SHANK2: variants seen among roughly 807,000 people sequenced by gnomAD.
SHANK2 encodes the protein SH3 and multiple ankyrin repeat domains 2, also known as SH3 and multiple ankyrin repeat domains protein 2.
SHANK2 carries 43 observed loss-of-function variants against 133.7 expected under a neutral mutation model. The observed-to-expected ratio is 0.32, with a 90% confidence interval of 0.25 to 0.41. SHANK2 has a LOEUF of 0.41. Among genes scored for constraint, SHANK2 ranks in the 10% least tolerant of loss-of-function variants. SHANK2 has a pLI of 1.00. For missense variants in SHANK2, 1,994 were observed against 2,235.8 expected (o/e 0.89, Z 2.18); for synonymous variants, 1,017 against 952.8 (o/e 1.07, Z -1.24).
In SHANK2 at chr11:70,485,828, AGTCGGCGACGGC is replaced by A; in HGVS notation, c.4453_4464del (p.Ala1485_Asp1488del). ...CGGCTGTCCACCTCCTCGATCCCAG[AGTCGGCGACGGC>A]GTCAAAGCTTTCAGGGGGTGGCAGG... On this transcript the variant is annotated inframe_deletion, in exon 25 of 26. Coordinates refer to ENST00000601538, the MANE Select transcript of SHANK2 (RefSeq NM_012309.5). The surrounding 1 kb of genome is among the most constrained non-coding windows in gnomAD (Gnocchi z 5.8). The A allele has an allele frequency of 6.2e-7, 1 of 1,613,972 alleles. No homozygotes were observed. The highest frequency in any genetic ancestry group is 8.5e-7 in the Non-Finnish European group (1 of 1,180,026).
chr11:71,206,651 C>T (rs1954132323), intron 2 of SHANK2, among the ~76,000 whole-genome samples: 1 of 152,282 alleles, frequency 6.6e-6, no homozygotes, highest in Admixed American at 6.5e-5. Flanking sequence ...ATAAAAACGT[C>T]AAGGCTGGGT....
chr11:71,128,653 C>T (rs1216789021), intron 3 of SHANK2, among the ~76,000 whole-genome samples: 43 of 152,234 alleles, frequency 2.8e-4, no homozygotes, highest in African/African-American at 1.0e-3. Flanking sequence ...TGTCCTAGCA[C>T]AGATGAACCA....
chr11:71,104,770 AT>A (rs1210265796), intron 6 of SHANK2, among the ~76,000 whole-genome samples: 1 of 151,984 alleles, frequency 6.6e-6, no homozygotes, highest in Non-Finnish European at 1.5e-5. Flanking sequence ...TTCTCTCCTG[AT>A]TTGGAAAAAA....
At chr11:70,892,221 C>T (rs781936340) in intron 11 of SHANK2, among the ~76,000 whole-genome samples, 6 of 152,254 alleles carry the variant, frequency 3.9e-5, no homozygotes, top group African/African-American at 7.2e-5. Flanking sequence ...TAAGCATCAT[C>T]TTCCTCCAGC....
At chr11:70,937,608 T>G (rs797038264) in intron 10 of SHANK2, among the ~76,000 whole-genome samples, 54 of 152,188 alleles carry the variant, frequency 3.5e-4, no homozygotes, top group African/African-American at 1.3e-3. Context: ...TTGGATCATG[T>G]GCATTCTGCT....
At chr11:70,539,581 G>A (rs1361874363) in intron 17 of SHANK2, among the ~76,000 whole-genome samples, 1 of 111,442 alleles carries the variant, frequency 9.0e-6, no homozygotes, top group Non-Finnish European at 2.0e-5. Context: ...ATGAGTGGAT[G>A]AGCAATCACA....
At chr11:71,130,274 G>T (rs1469083876) in intron 3 of SHANK2, among the ~76,000 whole-genome samples, 1 of 152,182 alleles carries the variant, frequency 6.6e-6, no homozygotes, top group Non-Finnish European at 1.5e-5. Context: ...TGCCTGTGTT[G>T]GGACACGTCC....
chr11:71,128,553 C>T (rs749674777), intron 3 of SHANK2, among the ~76,000 whole-genome samples: 7 of 152,126 alleles, frequency 4.6e-5, no homozygotes, highest in Admixed American at 2.6e-4. Flanking sequence ...ACACCGATCC[C>T]GGAAAGTTCT....
At chr11:70,601,421 T>C (rs1170494114) in intron 17 of SHANK2, among the ~76,000 whole-genome samples, 2 of 152,166 alleles carry the variant, frequency 1.3e-5, no homozygotes, top group African/African-American at 4.8e-5. Flanking sequence ...GGCTTCACCA[T>C]GTTGGCCAGG....
chr11:70,510,610 C>G (rs1356130303), intron 17 of SHANK2, among the ~76,000 whole-genome samples: 3 of 152,228 alleles, frequency 2.0e-5, no homozygotes, highest in Non-Finnish European at 2.9e-5. Flanking sequence ...CCCTCCTTTC[C>G]CTGCTCCTCC....
intron 10 of SHANK2, among the ~76,000 whole-genome samples, chr11:70,916,778 T>C (rs1950277491): frequency 6.6e-6 from 1 of 152,048 alleles, no homozygotes; most frequent in African/African-American, 2.4e-5. Context: ...CCAAGCAGCC[T>C]GGGGAAAGGG....
chr11:70,555,469 G>A lies in SHANK2; in HGVS notation c.2062-52538C>T, dbSNP rs2059817200. On this transcript the variant is annotated intron_variant, in intron 17 of 25. Coordinates refer to ENST00000601538, the MANE Select transcript of SHANK2 (RefSeq NM_012309.5). ...AAATTAAAAGTGCTACTCTGGGCTG[G>A]GTGGGGCGGCTCACGCCTGTAATGT... Among the ~76,000 whole-genome samples, 4 of 152,376 alleles carry A rather than the reference G, an allele frequency of 2.6e-5. 1 individual carries two copies. In the South Asian group the frequency reaches 8.3e-4, roughly 32 times the overall value.
At position 70,567,728 on chromosome 11, in the gene SHANK2, G is replaced by A. The variant is rs558625269; in HGVS notation, c.2062-64797C>T. On this transcript the variant is annotated intron_variant, in intron 17 of 25. Coordinates refer to ENST00000601538, the MANE Select transcript of SHANK2 (RefSeq NM_012309.5). ...GGAGAAGGCAGCGCCTACAAGCCAT[G>A]GAAGGAAGACCCAGACCCTGAGACA... 1.6e-4 allele frequency among the ~76,000 whole-genome samples: 24 copies of A among 152,196 alleles called. No individual in the cohort carries two copies. The South Asian group carries it at 2.3e-3, about 15-fold the overall frequency.
At chr11:70,597,674 A>G (rs1391977647) in intron 17 of SHANK2, among the ~76,000 whole-genome samples, 3 of 152,136 alleles carry the variant, frequency 2.0e-5, no homozygotes, top group Non-Finnish European at 4.4e-5. Context: ...GGAGTTCAAG[A>G]CCAGTCTGGC....
At chr11:70,624,958 C>T (rs781841337) in intron 17 of SHANK2, among the ~76,000 whole-genome samples, 1 of 152,196 alleles carries the variant, frequency 6.6e-6, no homozygotes, top group African/African-American at 2.4e-5. Flanking sequence ...TTTGAGAGAA[C>T]AGCCCCCACA....
intron 17 of SHANK2, among the ~76,000 whole-genome samples, chr11:70,550,109 T>C (rs1408940479): frequency 1.3e-5 from 2 of 152,120 alleles, no homozygotes. Flanking sequence ...CAGGCTCCCC[T>C]CTTCCTACTC....
Position 71,188,152 on chromosome 11 carries a change from C to T in SHANK2, c.-13+36545G>A, listed in dbSNP as rs540209028. Among the ~76,000 whole-genome samples, 3 of 152,282 alleles carry T rather than the reference C, an allele frequency of 2.0e-5. No individual in the cohort carries two copies. Among genetic ancestry groups the T allele is most frequent in the South Asian group, 4.2e-4 (2 of 4,814 alleles). ...CCGGAGACGTTTCCCTCTGCCTCTG[C>T]CCCGTTTTCCCAGCCACTCCTGAGA... On this transcript the variant is annotated intron_variant, in intron 2 of 25. Coordinates refer to ENST00000601538, the MANE Select transcript of SHANK2 (RefSeq NM_012309.5). The surrounding 1 kb of genome is among the most constrained non-coding windows in gnomAD (Gnocchi z 4.6).
chr11:71,184,367 C>G (rs1175008513), intron 2 of SHANK2, among the ~76,000 whole-genome samples: 2 of 152,134 alleles, frequency 1.3e-5, no homozygotes, highest in Non-Finnish European at 2.9e-5. Flanking sequence ...CATCCTGGCC[C>G]CCACGAAAAG....
chr11:70,478,052 TA>T (rs545914921), intron 25 of SHANK2, among the ~76,000 whole-genome samples: 7 of 152,044 alleles, frequency 4.6e-5, no homozygotes, highest in African/African-American at 1.7e-4. Flanking sequence ...ATGTGAGAAT[TA>T]AAAAAAATCA....
Sources: allele counts gnomAD v4.1 joint callset (sites outside exome capture counted in the v4.1 genomes callset), GRCh38; gene constraint gnomAD v4.1.1; non-coding constraint Gnocchi (gnomAD v3.1); transcripts MANE v1.5; gene names NCBI Gene and HGNC (gene_info 2026-07-23, HGNC 2026-07-21).